Variants in PGS1 observed in about 807,000 individuals in gnomAD.
The protein encoded by PGS1 is phosphatidylglycerophosphate synthase 1.
PGS1 carries 44 observed loss-of-function variants against 58.3 expected under a neutral mutation model. The ratio of observed to expected loss-of-function variants is 0.75; its 90% CI spans 0.59 to 0.97. PGS1 has a LOEUF of 0.97. PGS1 is among the 50% of genes least tolerant of loss of function. The pLI, the probability that PGS1 is intolerant of heterozygous loss-of-function variation, is 0.00. For synonymous variants in PGS1, 330 were observed against 311.0 expected (o/e 1.06, Z -0.64); for missense variants, 684 against 731.1 (o/e 0.94, Z 0.74).
intron 7 of PGS1, among the ~76,000 whole-genome samples, chr17:78,406,576 A>G (rs1447660450): frequency 6.6e-6 from 1 of 152,272 alleles, no homozygotes; most frequent in African/African-American, 2.4e-5. Flanking sequence ...ACTGTCCTGC[A>G]GGACCCATCC....
intron 1 of PGS1, among the ~76,000 whole-genome samples, chr17:78,380,462 G>A (rs981641272): frequency 6.6e-6 from 1 of 152,206 alleles, no homozygotes; most frequent in Admixed American, 6.5e-5. Flanking sequence ...GGGCAGGATG[G>A]CGCTCTTGGA....
In PGS1 at chr17:78,389,721, C is replaced by CT. The variant is rs1292129008; in HGVS notation, c.144-2754dup. Among the ~76,000 whole-genome samples the CT allele has an allele frequency of 5.9e-5, 9 of 152,244 alleles. No homozygotes were observed. The East Asian group carries it at 7.7e-4, about 13-fold the overall frequency. The stretch of plus-strand genomic sequence containing the variant: ...CTCCGCCTCCTGGGTTCAAGCGATT[C>CT]TCCTGCTTCAGCCTTCCAAGTAGCT... On this transcript the variant is annotated intron_variant, in intron 1 of 9. Coordinates refer to ENST00000262764, the MANE Select transcript of PGS1 (RefSeq NM_024419.5).
intron 7 of PGS1, 85 bp from the exon 8 acceptor site, chr17:78,414,794 T>G: frequency 4.0e-6 from 6 of 1,512,870 alleles, no homozygotes; most frequent in Admixed American, 1.8e-5. Context: ...CAGGCCGCCT[T>G]TCTCTTAGAT....
chr17:78,423,798 A>G (rs1306985262), intron 9 of PGS1: 1 of 1,414,324 alleles, frequency 7.1e-7, no homozygotes, highest in Non-Finnish European at 9.7e-7. Context: ...TATTTAAGAG[A>G]ACGAAAAACC....
chr17:78,378,795 C>A lies in PGS1; in HGVS notation c.130C>A (p.Arg44Ser). Reference sequence around the variant, plus strand: ...CGACCGCCTCGGCAGGAACCGGGACCGCCAGCGCAGGAGGTGAGAGGGGCG... The same window carrying A: ...CGACCGCCTCGGCAGGAACCGGGACAGCCAGCGCAGGAGGTGAGAGGGGCG... ...LSDRLGRNRD[R>S]QRRRSPWLLL... Residue 44 changes from arginine to serine, a missense_variant, in exon 1 of 10, where the codon CGC becomes AGC. Coordinates refer to ENST00000262764, the MANE Select transcript of PGS1 (RefSeq NM_024419.5). The A allele has an allele frequency of 6.8e-7, 1 of 1,474,118 alleles. No individual in the cohort carries two copies. The highest frequency in any genetic ancestry group is 1.3e-5 in the South Asian group (1 of 76,916). 91.3% of individuals were successfully genotyped at this position (1,474,118 alleles called of 1,614,324 possible).
At chr17:78,380,464 G>A (rs567631983) in intron 1 of PGS1, among the ~76,000 whole-genome samples, 1 of 152,316 alleles carries the variant, frequency 6.6e-6, no homozygotes, top group Admixed American at 6.5e-5. Context: ...GCAGGATGGC[G>A]CTCTTGGAAA....
At chr17:78,414,322 G>A (rs374659769) in intron 7 of PGS1, among the ~76,000 whole-genome samples, 210 of 152,306 alleles carry the variant, frequency 1.4e-3, no homozygotes, top group African/African-American at 4.9e-3. Context: ...GGCTTGGGTC[G>A]CGTGGTTGTC....
intron 9 of PGS1, chr17:78,422,033 AT>A (rs2085841465): frequency 2.0e-5 from 3 of 152,186 alleles, no homozygotes; most frequent in Admixed American, 6.5e-5. Flanking sequence ...TTTAGAGATA[AT>A]TTTGTCAACT....
intron 5 of PGS1, chr17:78,399,953 C>A (rs138665040): frequency 1.6e-3 from 392 of 252,444 alleles, no homozygotes; most frequent in East Asian, 5.2e-3. Context: ...TTCACAGGCC[C>A]TCCCCTCGGC....
At chr17:78,416,928 G>A (rs998229761) in intron 8 of PGS1, among the ~76,000 whole-genome samples, 1 of 152,146 alleles carries the variant, frequency 6.6e-6, no homozygotes, top group Admixed American at 6.5e-5. Context: ...GCCACCGTGG[G>A]CTCCCTGCTC....
In PGS1 at chr17:78,392,524, G is replaced by A; in HGVS notation, c.192G>A (p.Gln64=). The change falls in exon 2 of 10, where the codon CAG becomes CAA. Residue 64 remains glutamine, a synonymous_variant. Transcript: ENST00000262764. ...CCTTGCTGTCCCCAGCTGTTCCCCA[G>A]GTCACCTCCCCACCTTGCTGCCTGT... ...LAPLLSPAVP[Q]VTSPPCCLCP... 1 of 1,614,022 alleles carries A rather than the reference G, an allele frequency of 6.2e-7. No homozygotes were observed. The highest frequency in any genetic ancestry group is 8.5e-7 in the Non-Finnish European group (1 of 1,179,968).
chr17:78,390,062 T>TCCCCCCCCCCCCCCCCCCCCCCCCC (rs1555628316), intron 1 of PGS1, among the ~76,000 whole-genome samples: 18 of 128,602 alleles, frequency 1.4e-4, no homozygotes, highest in Non-Finnish European at 2.3e-4. Context: ...TGTTGCCTGT[T>TCCCCCCCCCCCCCCCCCCCCCCCCC]CCCCCGCCCC....
intron 2 of PGS1, among the ~76,000 whole-genome samples, chr17:78,394,594 T>C (rs2083086177): frequency 1.3e-5 from 2 of 152,076 alleles, no homozygotes; most frequent in Non-Finnish European, 2.9e-5. Context: ...TCGCTCTCGT[T>C]GCCCAGGCTG....
intron 7 of PGS1, among the ~76,000 whole-genome samples, chr17:78,409,074 A>C (rs1011787712): frequency 6.6e-6 from 1 of 152,106 alleles, no homozygotes; most frequent in African/African-American, 2.4e-5. Context: ...CTGAGTATGA[A>C]CCGTGTCAAG....
intron 9 of PGS1, chr17:78,420,259 C>T: frequency 1.0e-6 from 1 of 984,186 alleles, no homozygotes; most frequent in Non-Finnish European, 1.2e-6. Context: ...AGGACCTGCT[C>T]TGCCCACCCA....
intron 7 of PGS1, among the ~76,000 whole-genome samples, chr17:78,409,297 C>G (rs1011733562): frequency 6.6e-6 from 1 of 152,384 alleles, no homozygotes; most frequent in East Asian, 1.9e-4. Flanking sequence ...TTCTTCTGGA[C>G]GCAGTATTCT....
At chr17:78,390,758 C>A (rs996068160) in intron 1 of PGS1, among the ~76,000 whole-genome samples, 1 of 152,092 alleles carries the variant, frequency 6.6e-6, no homozygotes, top group African/African-American at 2.4e-5. Context: ...GGTTTTTAGT[C>A]ATTGAGCAGC....
At chr17:78,378,889 G>A in intron 1 of PGS1, 81 bp downstream of exon 1, 1 of 1,311,068 alleles carries the variant, frequency 7.6e-7, no homozygotes, top group South Asian at 1.8e-5. Flanking sequence ...CGGCCCCAGC[G>A]TCCTGGGCAT....
chr17:78,416,506 G>T (rs2085200930), intron 8 of PGS1, among the ~76,000 whole-genome samples: 1 of 152,232 alleles, frequency 6.6e-6, no homozygotes. Context: ...CCAGGCCTGT[G>T]CCTGGGGTCC....
Sources: gnomAD v4.1 joint callset for allele counts (sites outside exome capture counted in the v4.1 genomes callset) on GRCh38, gnomAD v4.1.1 for gene constraint, MANE v1.5 for transcripts, NCBI Gene and HGNC (gene_info 2026-07-23, HGNC 2026-07-21) for gene names.